The following DGCR2 variants were observed in gnomAD, a reference collection of about 807,000 sequenced individuals.
DGCR2 encodes the protein integral membrane protein DGCR2/IDD.
A neutral mutation model predicts 51.6 loss-of-function variants in DGCR2; 24 were observed. The observed-to-expected ratio is 0.47, with a 90% CI of 0.34 to 0.65. The LOEUF is 0.65. Ranked by LOEUF, DGCR2 falls within the 30% of genes least tolerant of loss-of-function variation. The pLI, the probability that DGCR2 is intolerant of heterozygous loss-of-function variation, is 0.01. For missense variants in DGCR2, 765 were observed against 772.1 expected (o/e 0.99, Z 0.11); for synonymous variants, 340 against 315.4 (o/e 1.08, Z -0.82).
chr22:19,075,443 T>C (rs1364476184), intron 2 of DGCR2, among the ~76,000 whole-genome samples: 1 of 143,946 alleles, frequency 6.9e-6, no homozygotes, highest in Non-Finnish European at 1.5e-5. Context: ...CAAGACTCTG[T>C]CTCAAAAAAA....
intron 1 of DGCR2, among the ~76,000 whole-genome samples, chr22:19,097,408 G>T (rs1242697738): frequency 6.6e-6 from 1 of 152,072 alleles, no homozygotes; most frequent in Admixed American, 6.6e-5. Context: ...ACAAAAATTA[G>T]CCAGGTGTGG....
intron 5 of DGCR2, among the ~76,000 whole-genome samples, chr22:19,062,662 G>A (rs2082679057): frequency 6.6e-6 from 1 of 152,020 alleles, no homozygotes; most frequent in Non-Finnish European, 1.5e-5. Context: ...GGAAGGGCAA[G>A]CCAAGTCCGA....
rs2083445485 is a variant in DGCR2 at position 19,122,377 on chromosome 22, G to A, written c.-171C>T. The A allele has an allele frequency of 4.2e-6, 2 of 481,334 alleles. No individual in the cohort carries two copies. The highest frequency in any genetic ancestry group is 7.2e-6 in the Non-Finnish European group (2 of 278,352). 29.8% of individuals were successfully genotyped at this position (481,334 alleles called of 1,614,324 possible). A position where few individuals can be genotyped will look rare whatever the true frequency, so the allele number is the denominator to read the frequency against. ...CGCGGGCTGGCGCACACTCTCGGCT[G>A]CAACCTCAGGCACCGACTCCAGCTG... On this transcript the variant is annotated 5_prime_UTR_variant, in exon 1 of 10. Transcript: ENST00000263196.
chr22:19,119,522 G>T (rs1440286364), intron 1 of DGCR2, among the ~76,000 whole-genome samples: 1 of 152,092 alleles, frequency 6.6e-6, no homozygotes, highest in Non-Finnish European at 1.5e-5. Flanking sequence ...GCTCACCAGA[G>T]GTCAGGAGTT....
At chr22:19,104,672 G>T (rs1435525882) in intron 1 of DGCR2, among the ~76,000 whole-genome samples, 1 of 152,190 alleles carries the variant, frequency 6.6e-6, no homozygotes, top group East Asian at 1.9e-4. Context: ...CCACACCCGG[G>T]GTAGGGGACA....
At chr22:19,121,141 AGAG>A (rs1336729953) in intron 1 of DGCR2, among the ~76,000 whole-genome samples, 1 of 152,264 alleles carries the variant, frequency 6.6e-6, no homozygotes, top group East Asian at 1.9e-4. Flanking sequence ...CCAGGTCATC[AGAG>A]AAGATGGCCC....
chr22:19,115,688 GA>G (rs1383103934), intron 1 of DGCR2, among the ~76,000 whole-genome samples: 1 of 152,226 alleles, frequency 6.6e-6, no homozygotes, highest in Non-Finnish European at 1.5e-5. Context: ...ATGTGACAAA[GA>G]GCAAAACGTG....
At chr22:19,058,839 G>A (rs537483538) in intron 5 of DGCR2, among the ~76,000 whole-genome samples, 21 of 152,328 alleles carry the variant, frequency 1.4e-4, no homozygotes, top group South Asian at 4.1e-4. Context: ...AACAGGGTTC[G>A]TGTGGCACTC....
chr22:19,078,615 T>A (rs762424367), intron 2 of DGCR2, among the ~76,000 whole-genome samples: 1 of 152,228 alleles, frequency 6.6e-6, no homozygotes, highest in Non-Finnish European at 1.5e-5. Flanking sequence ...GAATAAGTGG[T>A]GAAAGCAGAC....
chr22:19,039,281 G>A (rs967806638), intron 9 of DGCR2, among the ~76,000 whole-genome samples, 160 bp from the exon 10 acceptor site: 4 of 152,150 alleles, frequency 2.6e-5, no homozygotes, highest in African/African-American at 9.7e-5. Context: ...CTCAGATTTT[G>A]AAGGAGGAGC....
intron 2 of DGCR2, among the ~76,000 whole-genome samples, chr22:19,083,693 C>G (rs2082968119): frequency 1.2e-5 from 1 of 82,954 alleles, no homozygotes; most frequent in African/African-American, 5.0e-5. Context: ...TCTCCCTCTC[C>G]CCCCTCCCCC....
At chr22:19,093,879 G>A (rs1489016021) in intron 1 of DGCR2, among the ~76,000 whole-genome samples, 1 of 152,078 alleles carries the variant, frequency 6.6e-6, no homozygotes, top group Non-Finnish European at 1.5e-5. Flanking sequence ...GGTGACACAT[G>A]CCTGTAGTCC....
At chr22:19,071,458 A>G (rs1054282515) in intron 2 of DGCR2, among the ~76,000 whole-genome samples, 8 of 152,336 alleles carry the variant, frequency 5.3e-5, no homozygotes, top group African/African-American at 1.9e-4. Flanking sequence ...TTGATAATTT[A>G]TGACTTACAT....
At chr22:19,111,802 G>C (rs1249390708) in intron 1 of DGCR2, among the ~76,000 whole-genome samples, 1 of 151,880 alleles carries the variant, frequency 6.6e-6, no homozygotes, top group Non-Finnish European at 1.5e-5. Flanking sequence ...GTCAGCACTT[G>C]GGCCCAAATA....
At chr22:19,069,188 C>T (rs913879887) in intron 2 of DGCR2, among the ~76,000 whole-genome samples, 1 of 152,236 alleles carries the variant, frequency 6.6e-6, no homozygotes, top group South Asian at 2.1e-4. Flanking sequence ...CCAGCAAGTG[C>T]ACTCTGGCTG....
At chr22:19,083,864 G>A (rs111714992) in intron 2 of DGCR2, among the ~76,000 whole-genome samples, 62,858 of 150,692 alleles carry the variant, frequency 0.42, 13,580 homozygotes, top group African/African-American at 0.53. Flanking sequence ...GATTGCAGGC[G>A]CGCGCCGCCA....
At chr22:19,062,844 G>A (rs186532941) in intron 5 of DGCR2, among the ~76,000 whole-genome samples, 28 of 145,888 alleles carry the variant, frequency 1.9e-4, no homozygotes, top group African/African-American at 2.7e-4. Context: ...TGGATTCTAC[G>A]TCTGACCTTT....
chr22:19,056,566 A>ACACAC, intron 6 of DGCR2: 1 of 333,210 alleles, frequency 3.0e-6, no homozygotes, highest in South Asian at 4.9e-5. Context: ...AAAAAAAAAA[A>ACACAC]ACACACACAC....
intron 1 of DGCR2, among the ~76,000 whole-genome samples, chr22:19,090,327 G>A (rs1461397547): frequency 1.3e-5 from 2 of 152,148 alleles, no homozygotes; most frequent in Admixed American, 6.6e-5. Context: ...AATCCAGGTA[G>A]CTCAATGAAC....
Sources: allele counts gnomAD v4.1 joint callset (sites outside exome capture counted in the v4.1 genomes callset), GRCh38; gene constraint gnomAD v4.1.1; transcripts MANE v1.5; gene names NCBI Gene and HGNC (gene_info 2026-07-23, HGNC 2026-07-21).